The following PRPF18 variants were observed in gnomAD, a reference collection of about 807,000 sequenced individuals.
The protein encoded by PRPF18 is pre-mRNA-splicing factor 18.
In PRPF18, 38 loss-of-function variants were observed where a neutral mutation model predicts 46.5. The ratio of observed to expected loss-of-function variants is 0.82; its 90% confidence interval spans 0.63 to 1.07. The LOEUF (loss-of-function observed/expected upper bound fraction) is 1.07, where lower values mean the gene tolerates loss of function less well. Among genes scored for constraint, PRPF18 ranks in the 50% least tolerant of loss-of-function variants. The pLI, the probability that PRPF18 is intolerant of heterozygous loss-of-function variation, is 0.00. For synonymous variants in PRPF18, 152 were observed against 146.7 expected (o/e 1.04, Z -0.26); for missense variants, 263 against 410.0 (o/e 0.64, Z 3.10).
chr10:13,597,483 G>T lies in PRPF18; in HGVS notation c.92G>T (p.Ser31Ile). The change falls in exon 2 of 10, where the codon AGT becomes ATT. Residue 31 changes from serine to isoleucine, a missense_variant. By Grantham distance (142) the Ser-to-Ile change is moderately radical (BLOSUM62 -2). Coordinates refer to ENST00000378572, the MANE Select transcript of PRPF18 (RefSeq NM_003675.4). Reference sequence around the variant, plus strand: ...GAAAATAAAAAATATTTCAAGCGTAGTGAGCTCGCCAAAAAAGAAGAGGAA... The same window carrying T: ...GAAAATAAAAAATATTTCAAGCGTATTGAGCTCGCCAAAAAAGAAGAGGAA... ...LVENKKYFKR[S>I]ELAKKEEEAY... is the part of the protein sequence containing the mutation. The T allele has an allele frequency of 6.2e-7, 1 of 1,608,602 alleles. No homozygotes were observed. The highest frequency in any genetic ancestry group is 1.3e-5 in the African/African-American group (1 of 74,774).
intron 2 of PRPF18, among the ~76,000 whole-genome samples, chr10:13,598,084 G>A (rs1178874329): frequency 1.3e-5 from 2 of 152,094 alleles, no homozygotes; most frequent in African/African-American, 2.4e-5. Flanking sequence ...TTGTAATAAG[G>A]TATCACATTT....
intron 1 of PRPF18, among the ~76,000 whole-genome samples, chr10:13,594,918 G>A (rs919855642): frequency 6.6e-6 from 1 of 152,202 alleles, no homozygotes; most frequent in African/African-American, 2.4e-5. Context: ...ACTTTAGTAT[G>A]TAACAAAAGT....
chr10:13,610,491 G>GTGA (rs2080255003), intron 5 of PRPF18, among the ~76,000 whole-genome samples: 1 of 152,166 alleles, frequency 6.6e-6, no homozygotes, highest in African/African-American at 2.4e-5. Context: ...ATGTTATGCT[G>GTGA]TGAAATTCTT....
chr10:13,597,816 A>G (rs1418212401), intron 2 of PRPF18: 10 of 487,552 alleles, frequency 2.1e-5, no homozygotes, highest in Non-Finnish European at 3.1e-5. Context: ...TTTTTTTAAT[A>G]AAGTCCTGAA....
intron 1 of PRPF18, among the ~76,000 whole-genome samples, chr10:13,587,791 A>G (rs1454134311): frequency 6.6e-6 from 1 of 152,210 alleles, no homozygotes; most frequent in East Asian, 1.9e-4. Context: ...TCTCGCGTTC[A>G]TAAGTCCCTA....
At chr10:13,602,032 A>G (rs1017450049) in intron 3 of PRPF18, among the ~76,000 whole-genome samples, 2 of 152,172 alleles carry the variant, frequency 1.3e-5, no homozygotes, top group Non-Finnish European at 2.9e-5. Context: ...GTGTGTGTCT[A>G]TGTAATTTTT....
chr10:13,593,125 A>G (rs528483596), intron 1 of PRPF18, among the ~76,000 whole-genome samples: 14 of 152,360 alleles, frequency 9.2e-5, no homozygotes, highest in African/African-American at 2.9e-4. Flanking sequence ...TGAAGGACCA[A>G]TGGAAGGAAT....
chr10:13,601,518 C>T lies in PRPF18; in HGVS notation c.249+1170C>T, dbSNP rs75784214. 9.5e-3 allele frequency among the ~76,000 whole-genome samples: 1,451 copies of T among 152,304 alleles called. 20 individuals carry two copies. The highest frequency in any genetic ancestry group is 0.033 in the African/African-American group (1,373 of 41,556). Reference sequence around the variant, plus strand: ...CTCCCCCTGTGCCCCGATCAGTCCTCCTACCCAGTTCTTCACTTGTACAAG... The same window carrying T: ...CTCCCCCTGTGCCCCGATCAGTCCTTCTACCCAGTTCTTCACTTGTACAAG... On this transcript the variant is annotated intron_variant, in intron 3 of 9. Transcript: ENST00000378572.
At chr10:13,611,740 T>C (rs1411627479) in intron 6 of PRPF18, 57 bp downstream of exon 6, 13 of 1,492,552 alleles carry the variant, frequency 8.7e-6, no homozygotes, top group Non-Finnish European at 1.1e-5. Context: ...ACTATTCTTA[T>C]ATTTTTGGAT....
intron 4 of PRPF18, among the ~76,000 whole-genome samples, chr10:13,606,784 C>A (rs2080192724): frequency 7.1e-6 from 1 of 141,568 alleles, no homozygotes; most frequent in Non-Finnish European, 1.5e-5. Flanking sequence ...TATGACCATT[C>A]TTATGCAGAT....
intron 9 of PRPF18, among the ~76,000 whole-genome samples, chr10:13,621,266 C>A (rs1469179259): frequency 6.6e-6 from 1 of 152,222 alleles, no homozygotes; most frequent in Non-Finnish European, 1.5e-5. Flanking sequence ...CGTGACTTTA[C>A]CAGCAACACT....
At chr10:13,600,857 A>G (rs2080096468) in intron 3 of PRPF18, among the ~76,000 whole-genome samples, 1 of 152,084 alleles carries the variant, frequency 6.6e-6, no homozygotes, top group African/African-American at 2.4e-5. Flanking sequence ...GTTCACTGCA[A>G]TCTCTGCCTC....
chr10:13,622,424 T>C (rs2080433236), intron 9 of PRPF18, among the ~76,000 whole-genome samples: 1 of 152,202 alleles, frequency 6.6e-6, no homozygotes, highest in African/African-American at 2.4e-5. Context: ...CATCTTACAT[T>C]TCTCAACCAC....
chr10:13,608,379 C>T (rs968489926), intron 4 of PRPF18, among the ~76,000 whole-genome samples: 2 of 152,220 alleles, frequency 1.3e-5, no homozygotes, highest in South Asian at 4.1e-4. Flanking sequence ...GCCCGCTCCC[C>T]GACCTGCTCT....
intron 1 of PRPF18, chr10:13,591,707 C>A: frequency 1.2e-6 from 1 of 824,216 alleles, no homozygotes; most frequent in African/African-American, 1.7e-5. Context: ...GGGATTTTTA[C>A]ATCGCTGATA....
chr10:13,592,243 C>CAAAAA lies in PRPF18; in HGVS notation c.66+5092_66+5093insAAAAA, dbSNP rs1210912120. On this transcript the variant is annotated intron_variant, in intron 1 of 9. Coordinates refer to ENST00000378572, the MANE Select transcript of PRPF18 (RefSeq NM_003675.4). Reference sequence around the variant, plus strand: ...TCTTAGCCTTGAGGTGACCCTTTTTCACCTTGTCACCAGCCTCAGCCTTCT... The same window carrying CAAAAA: ...TCTTAGCCTTGAGGTGACCCTTTTTCAAAAAACCTTGTCACCAGCCTCAGCCTTCT... The CAAAAA allele has an allele frequency of 3.5e-5, 19 of 546,684 alleles. 1 individual carries two copies. Among genetic ancestry groups the CAAAAA allele is most frequent in the South Asian group, 1.9e-4 (12 of 63,912 alleles). 33.9% of individuals were successfully genotyped at this position (546,684 alleles called of 1,614,324 possible).
chr10:13,616,626 A>G (rs925296272), intron 9 of PRPF18, 73 bp downstream of exon 9: 3 of 1,556,946 alleles, frequency 1.9e-6, no homozygotes, highest in Admixed American at 1.7e-5. Flanking sequence ...TAAGTCTGGA[A>G]AGCAGGCAGA....
the PRPF18 span, chr10:13,651,922 G>C: frequency 2.5e-6 from 4 of 1,581,442 alleles, no homozygotes; most frequent in Non-Finnish European, 3.5e-6. Flanking sequence ...TCAGTACTTT[G>C]GTGAGGTGGA....
chr10:13,591,708 A>G (rs532145232), intron 1 of PRPF18: 2 of 830,944 alleles, frequency 2.4e-6, no homozygotes, highest in African/African-American at 1.7e-5. Flanking sequence ...GGATTTTTAC[A>G]TCGCTGATAA....
Sources: gnomAD v4.1 joint callset for allele counts (sites outside exome capture counted in the v4.1 genomes callset) on GRCh38, gnomAD v4.1.1 for gene constraint, MANE v1.5 for transcripts, NCBI Gene and HGNC (gene_info 2026-07-23, HGNC 2026-07-21) for gene names.